Variants in PARP15 observed in about 807,000 individuals in gnomAD.
PARP15 encodes the protein protein mono-ADP-ribosyltransferase PARP15.
In PARP15, 50 loss-of-function variants were observed where a neutral mutation model predicts 62.1. The ratio of observed to expected loss-of-function variants is 0.81; its 90% CI spans 0.64 to 1.02. The LOEUF (loss-of-function observed/expected upper bound fraction) is 1.02. PARP15 is among the 50% of genes least tolerant of loss of function. The pLI is 0.00. For synonymous variants in PARP15, 309 were observed against 293.1 expected, an observed-to-expected ratio of 1.05 and a Z score of -0.55; for missense variants, 820 against 826.5, an observed-to-expected ratio of 0.99 and a Z score of 0.10.
intron 5 of PARP15, 140 bp downstream of exon 5, chr3:122,615,997 C>T (rs1419381251): frequency 1.3e-6 from 1 of 786,938 alleles, no homozygotes; most frequent in African/African-American, 1.8e-5. Flanking sequence ...AGAGCATGTC[C>T]CATTGTCTGG....
chr3:122,626,415 G>T (rs897866218), intron 8 of PARP15, among the ~76,000 whole-genome samples: 4 of 151,988 alleles, frequency 2.6e-5, no homozygotes, highest in Non-Finnish European at 4.4e-5. Flanking sequence ...AGCCAGGATG[G>T]TTTCAATCTC....
In PARP15 at chr3:122,615,677, T is replaced by A. The variant is rs199621036; in HGVS notation, c.772-102T>A. 5 of 1,587,034 alleles carry A rather than the reference T, an allele frequency of 3.2e-6. No individual in the cohort carries two copies. In the South Asian group the frequency reaches 5.8e-5, roughly 18 times the overall value. ...AGGGAAGAGGAAATATTTTGAGAAC[T>A]ATTGTTATCAACTCTTTGATATCTG... is the stretch of plus-strand genomic sequence containing the variant. On this transcript the variant is annotated intron_variant, in intron 4 of 11. Transcript: ENST00000464300.
intron 2 of PARP15, among the ~76,000 whole-genome samples, chr3:122,608,659 C>CAATCTAA (rs776594823): frequency 4.6e-5 from 7 of 152,126 alleles, no homozygotes; most frequent in Non-Finnish European, 7.4e-5. Flanking sequence ...CTCACTATTC[C>CAATCTAA]AATCTAAATG....
At chr3:122,626,731 C>A in intron 8 of PARP15, 96 bp from the exon 9 acceptor site, 1 of 1,107,080 alleles carries the variant, frequency 9.0e-7, no homozygotes. Context: ...CTGTGAGGGG[C>A]TTTCCTGTTT....
intron 5 of PARP15, 117 bp from the exon 6 acceptor site, chr3:122,616,898 T>C: frequency 8.3e-7 from 1 of 1,204,382 alleles, no homozygotes; most frequent in Non-Finnish European, 1.2e-6. Context: ...AATATTTCGG[T>C]TTATGTTGGG....
At chr3:122,598,585 G>A (rs1397703972) in intron 1 of PARP15, among the ~76,000 whole-genome samples, 1 of 152,164 alleles carries the variant, frequency 6.6e-6, no homozygotes, top group Non-Finnish European at 1.5e-5. Context: ...GAGAAAGAGA[G>A]GCCATGAGAG....
intron 1 of PARP15, among the ~76,000 whole-genome samples, chr3:122,605,019 G>C (rs1935063364): frequency 6.6e-6 from 1 of 152,096 alleles, no homozygotes; most frequent in African/African-American, 2.4e-5. Context: ...CTAGGTGACA[G>C]AGCAACACTC....
intron 2 of PARP15, among the ~76,000 whole-genome samples, chr3:122,608,218 T>TC (rs1312180522): frequency 6.5e-5 from 9 of 137,462 alleles, no homozygotes; most frequent in East Asian, 5.9e-4. Context: ...CTTTTCTTTT[T>TC]TTTTTTTTTT....
intron 1 of PARP15, among the ~76,000 whole-genome samples, chr3:122,588,624 C>T (rs1933638449): frequency 1.3e-5 from 2 of 152,052 alleles, no homozygotes; most frequent in Admixed American, 1.3e-4. Flanking sequence ...CGCCACTGCA[C>T]TCCAGCCTGG....
chr3:122,601,585 G>A (rs1329648589), intron 1 of PARP15, among the ~76,000 whole-genome samples: 2 of 152,094 alleles, frequency 1.3e-5, no homozygotes, highest in South Asian at 2.1e-4. Context: ...ATGTCTTTCT[G>A]TGGCTTGATA....
chr3:122,603,606 C>T (rs766085568), intron 1 of PARP15, among the ~76,000 whole-genome samples: 1 of 152,070 alleles, frequency 6.6e-6, no homozygotes, highest in Non-Finnish European at 1.5e-5. Flanking sequence ...AAAGCACCAA[C>T]CAAAACAAAA....
chr3:122,635,712 TA>T, intron 11 of PARP15, 98 bp from the exon 12 acceptor site: 1 of 1,385,796 alleles, frequency 7.2e-7, no homozygotes, highest in Non-Finnish European at 9.7e-7. Context: ...CACACCTGGC[TA>T]AAACTGCATT....
intron 9 of PARP15, among the ~76,000 whole-genome samples, chr3:122,628,469 A>G (rs921084920): frequency 6.6e-6 from 1 of 152,176 alleles, no homozygotes; most frequent in African/African-American, 2.4e-5. Flanking sequence ...GGGATATATA[A>G]ACTAACATTT....
intron 7 of PARP15, 99 bp downstream of exon 7, chr3:122,619,942 G>A (rs1936235339): frequency 1.7e-6 from 2 of 1,152,120 alleles, no homozygotes; most frequent in Non-Finnish European, 2.6e-6. Context: ...AGTAAGTAGC[G>A]AGCAAAACTT....
chr3:122,592,163 C>G (rs1432779772), intron 1 of PARP15, among the ~76,000 whole-genome samples: 7 of 152,144 alleles, frequency 4.6e-5, no homozygotes, highest in Non-Finnish European at 1.0e-4. Flanking sequence ...CAGCACTTTT[C>G]ACAATAGCAA....
chr3:122,609,203 C>T (rs1313357865), intron 2 of PARP15, among the ~76,000 whole-genome samples: 1 of 152,148 alleles, frequency 6.6e-6, no homozygotes, highest in African/African-American at 2.4e-5. Flanking sequence ...GGCTTGCTCA[C>T]TCTTGTCTCT....
At chr3:122,593,685 C>T (rs1288366188) in intron 1 of PARP15, among the ~76,000 whole-genome samples, 1 of 152,086 alleles carries the variant, frequency 6.6e-6, no homozygotes, top group African/African-American at 2.4e-5. Context: ...CATTTGTTTT[C>T]TCTAGTGTTT....
chr3:122,626,955 A>C lies in PARP15; in HGVS notation c.1360A>C (p.Asn454His), dbSNP rs1322709382. The change falls in exon 9 of 12, where the codon AAT (asparagine) becomes CAT (histidine). Residue 454 changes from asparagine (N) to histidine (H), a missense_variant. Physicochemically the swap from Asn to His is moderately conservative, Grantham distance 68 (BLOSUM62 1). This residue lies in a region of PARP15 where 731 missense variants were observed against 727.7 expected (regional missense o/e 1.00). Coordinates refer to ENST00000464300, the MANE Select transcript of PARP15 (RefSeq NM_001113523.3). ...TGTCATTTTTCAACCTGAGCTGCTA[A>C]ATATATTCTACGACAGCATGAAAAA... Reference protein sequence around the residue: ...KVVIFQPELLNIFYDSMKKRD... With the variant: ...KVVIFQPELLHIFYDSMKKRD... 3 of 1,614,096 alleles carry C rather than the reference A, an allele frequency of 1.9e-6. No individual in the cohort carries two copies. The highest frequency in any genetic ancestry group is 1.7e-5 in the Admixed American group (1 of 60,024).
intron 2 of PARP15, among the ~76,000 whole-genome samples, chr3:122,606,531 C>T (rs1935172159): frequency 6.6e-6 from 1 of 152,152 alleles, no homozygotes; most frequent in African/African-American, 2.4e-5. Context: ...CTCCTGCCTA[C>T]CCCTCCTCTC....
Sources: gnomAD v4.1 joint callset for allele counts (sites outside exome capture counted in the v4.1 genomes callset) on GRCh38, gnomAD v4.1.1 for gene constraint, gnomAD v4.1.1 regional missense constraint, MANE v1.5 for transcripts, NCBI Gene and HGNC (gene_info 2026-07-23, HGNC 2026-07-21) for gene names.